Variants in TBCEL observed in about 807,000 individuals in gnomAD.
TBCEL encodes the protein tubulin-specific chaperone cofactor E-like protein.
In TBCEL, 15 loss-of-function variants were observed where a neutral mutation model predicts 44.2. The observed-to-expected ratio is 0.34, with a 90% CI of 0.23 to 0.52. The LOEUF (loss-of-function observed/expected upper bound fraction) is 0.52, where lower values mean the gene tolerates loss of function less well. Ranked by LOEUF, TBCEL falls within the 20% of genes least tolerant of loss-of-function variation. The pLI is 0.95. For missense variants in TBCEL, 319 were observed against 506.3 expected (o/e 0.63, Z 3.55); for synonymous variants, 171 against 185.4 (o/e 0.92, Z 0.63).
chr11:121,027,401 TC>T (rs1397732366), intron 1 of TBCEL, among the ~76,000 whole-genome samples: 1 of 152,184 alleles, frequency 6.6e-6, no homozygotes, highest in Non-Finnish European at 1.5e-5. Flanking sequence ...AGAGAACTCT[TC>T]CAAAGGATAT....
intron 3 of TBCEL, among the ~76,000 whole-genome samples, chr11:121,047,082 A>C (rs1376979391): frequency 6.6e-6 from 1 of 152,056 alleles, no homozygotes; most frequent in Non-Finnish European, 1.5e-5. Flanking sequence ...AGAGGCACAA[A>C]AGATAAAGAT....
chr11:121,073,331 G>A (rs554050401), intron 8 of TBCEL, among the ~76,000 whole-genome samples: 46 of 151,440 alleles, frequency 3.0e-4, no homozygotes, highest in South Asian at 1.0e-3. Context: ...CTTCAGTAAT[G>A]TTTTCTAATT....
chr11:121,044,561 A>G (rs138568456), intron 2 of TBCEL, among the ~76,000 whole-genome samples: 2,117 of 152,154 alleles, frequency 0.014, 14 homozygotes, highest in Non-Finnish European at 0.023. Context: ...CTCCCTACTG[A>G]TTATTTTAGT....
At chr11:121,025,716 A>ATTTTTT (rs35047977) in intron 1 of TBCEL, among the ~76,000 whole-genome samples, 4 of 144,438 alleles carry the variant, frequency 2.8e-5, no homozygotes, top group Non-Finnish European at 3.0e-5. Flanking sequence ...AAGGAGATGG[A>ATTTTTT]TTTTTTTTTT....
intron 8 of TBCEL, among the ~76,000 whole-genome samples, chr11:121,079,860 G>A (rs148754201): frequency 1.4e-4 from 22 of 152,228 alleles, no homozygotes; most frequent in African/African-American, 4.8e-4. Flanking sequence ...TGTCACCCAG[G>A]CTGGAGTGCA....
chr11:121,077,795 G>A (rs1221370676), intron 8 of TBCEL, among the ~76,000 whole-genome samples: 1 of 151,762 alleles, frequency 6.6e-6, no homozygotes, highest in East Asian at 1.9e-4. Context: ...ATTGGGATTT[G>A]TTATATTTTA....
chr11:121,087,206 GT>G lies in TBCEL; in HGVS notation c.*113del. On this transcript the variant is annotated 3_prime_UTR_variant, in exon 9 of 9. Coordinates refer to ENST00000683345, the MANE Select transcript of TBCEL (RefSeq NM_001363644.2). ...GGTTGTTTTTGTTTTGTTTTGTTCT[GT>G]TTAGGTTTGGGAAGGATTTTGTATA... The G allele has an allele frequency of 8.6e-7, 1 of 1,166,988 alleles. No individual in the cohort carries two copies. Among genetic ancestry groups the G allele is most frequent in the Non-Finnish European group, 1.2e-6 (1 of 846,532 alleles). The allele number at this position is 1,166,988 out of a possible 1,614,324, so 72.3% of individuals were successfully genotyped here.
At chr11:121,027,222 A>G (rs1945061953) in intron 1 of TBCEL, among the ~76,000 whole-genome samples, 1 of 152,212 alleles carries the variant, frequency 6.6e-6, no homozygotes. Flanking sequence ...TTGGGCTTAA[A>G]GGGTGAAGGA....
intron 8 of TBCEL, among the ~76,000 whole-genome samples, chr11:121,060,899 T>C (rs1945710059): frequency 6.6e-6 from 1 of 151,966 alleles, no homozygotes; most frequent in Non-Finnish European, 1.5e-5. Flanking sequence ...TTACAGAATG[T>C]CTGTGGCTTT....
chr11:121,031,450 T>C (rs186147129), intron 1 of TBCEL, among the ~76,000 whole-genome samples: 138 of 152,278 alleles, frequency 9.1e-4, no homozygotes, highest in African/African-American at 3.2e-3. Flanking sequence ...GAGCATCTTT[T>C]ACATATGTTA....
intron 8 of TBCEL, among the ~76,000 whole-genome samples, chr11:121,080,126 T>C (rs1946099790): frequency 6.6e-6 from 1 of 152,208 alleles, no homozygotes; most frequent in Non-Finnish European, 1.5e-5. Context: ...CGTATTTTTC[T>C]TTTAGTTAAT....
At chr11:121,028,848 G>A (rs145134243) in intron 1 of TBCEL, among the ~76,000 whole-genome samples, 80 of 152,292 alleles carry the variant, frequency 5.3e-4, no homozygotes, top group African/African-American at 1.9e-3. Context: ...AGTCATAAAG[G>A]TGTTTCCGCC....
intron 1 of TBCEL, among the ~76,000 whole-genome samples, chr11:121,027,649 C>T (rs1381723944): frequency 6.6e-6 from 1 of 152,158 alleles, no homozygotes; most frequent in African/African-American, 2.4e-5. Flanking sequence ...TAAAATGTTC[C>T]CTTTCTTCAT....
At chr11:121,054,060 C>G (rs1232586696) in intron 5 of TBCEL, among the ~76,000 whole-genome samples, 1 of 151,774 alleles carries the variant, frequency 6.6e-6, no homozygotes, top group East Asian at 1.9e-4. Context: ...CAGCCCTTTT[C>G]TTTGGGAGGA....
At chr11:121,086,087 C>G (rs918526003) in intron 8 of TBCEL, among the ~76,000 whole-genome samples, 8 of 152,198 alleles carry the variant, frequency 5.3e-5, no homozygotes, top group African/African-American at 1.7e-4. Flanking sequence ...ACAAGATTTT[C>G]TCTATGGGAA....
At chr11:121,075,879 G>C (rs1440904550) in intron 8 of TBCEL, among the ~76,000 whole-genome samples, 1 of 151,900 alleles carries the variant, frequency 6.6e-6, no homozygotes, top group Non-Finnish European at 1.5e-5. Flanking sequence ...GTGTGGGGTA[G>C]GATACGGATT....
chr11:121,057,671 C>A, intron 6 of TBCEL: 1 of 450,182 alleles, frequency 2.2e-6, no homozygotes. Flanking sequence ...ATTCCCTAAA[C>A]AATACAGTAT....
At chr11:121,036,013 A>G (rs1945225246) in intron 1 of TBCEL, 1 of 152,036 alleles carries the variant, frequency 6.6e-6, no homozygotes, top group Non-Finnish European at 1.5e-5. Flanking sequence ...CTTTTTTGGT[A>G]AAGATGGATT....
At chr11:121,064,565 A>G (rs1238294381) in intron 8 of TBCEL, among the ~76,000 whole-genome samples, 2 of 152,182 alleles carry the variant, frequency 1.3e-5, no homozygotes, top group African/African-American at 4.8e-5. Context: ...TTTCCTATGC[A>G]CTAGTGGTTC....
Sources: allele counts gnomAD v4.1 joint callset (sites outside exome capture counted in the v4.1 genomes callset), GRCh38; gene constraint gnomAD v4.1.1; transcripts MANE v1.5; gene names NCBI Gene and HGNC (gene_info 2026-07-23, HGNC 2026-07-21).